The following TMCC2 variants were observed in gnomAD, a reference collection of about 807,000 sequenced individuals.
TMCC2 encodes transmembrane and coiled-coil domain family 2, also known as transmembrane and coiled-coil domains protein 2.
In TMCC2, 16 loss-of-function variants were observed where a neutral mutation model predicts 49.4. The ratio of observed to expected loss-of-function variants is 0.32; its 90% CI spans 0.22 to 0.49. TMCC2 has a LOEUF of 0.49. TMCC2 is among the 20% of genes least tolerant of loss of function. The pLI is 0.99. For synonymous variants in TMCC2, 397 were observed against 434.1 expected (o/e 0.91, Z 1.06); for missense variants, 762 against 989.8 (o/e 0.77, Z 3.09).
rs756499348 is a variant in TMCC2 at position 205,241,544 on chromosome 1, G to A, written c.247G>A (p.Gly83Ser). The A allele has an allele frequency of 2.9e-5, 46 of 1,613,692 alleles. No homozygotes were observed. Among genetic ancestry groups the A allele is most frequent in the African/African-American group, 2.7e-4 (20 of 74,968 alleles). ...QLSEGSMFGHGLKHLFHSRRR... is the reference protein window; with the variant it reads ...QLSEGSMFGHSLKHLFHSRRR... ...GTCAGAGGGCTCCATGTTTGGCCAC[G>A]GTCTGAAGCACCTGTTCCACAGCCG... The change falls in exon 2 of 5, where the codon GGT becomes AGT. Residue 83 changes from glycine (G) to serine (S), a missense_variant. Physicochemically the swap from Gly to Ser is moderately conservative, Grantham distance 56. Around this residue, in one of 2 missense-constraint regions of TMCC2, gnomAD observed 322 missense variants for 353.1 expected, o/e 0.91. Coordinates refer to ENST00000358024, the MANE Select transcript of TMCC2 (RefSeq NM_014858.4). The surrounding 1 kb of genome is among the most constrained non-coding windows in gnomAD (Gnocchi z 7.3).
At position 205,241,462 on chromosome 1, in the gene TMCC2, A is replaced by G. The variant is rs1388650301; in HGVS notation, c.208-43A>G. ...CACCCTCCTACTGACTAGGCAATCAAGAGCTTTCCACTCACCAGGGTTCTT... is the reference window on the plus strand; with the variant it reads ...CACCCTCCTACTGACTAGGCAATCAGGAGCTTTCCACTCACCAGGGTTCTT... On this transcript the variant is annotated intron_variant, in intron 1 of 4. Transcript: ENST00000358024. This position sits in a 1 kb window ranked among gnomAD's most constrained non-coding sequence, Gnocchi z 7.3. The G allele has an allele frequency of 3.8e-6, 6 of 1,593,978 alleles. No individual in the cohort carries two copies. The highest frequency in any genetic ancestry group is 2.2e-5 in the East Asian group (1 of 44,746).
intron 2 of TMCC2, among the ~76,000 whole-genome samples, chr1:205,242,714 A>G (rs1660320655): frequency 6.6e-6 from 1 of 152,132 alleles, no homozygotes; most frequent in South Asian, 2.1e-4. Context: ...AGGGGGTACA[A>G]GTGGGTGAAT....
chr1:205,269,007 G>A lies in TMCC2; in HGVS notation c.805G>A (p.Gly269Ser), dbSNP rs201477018. ...SLPAGHGDTD[G>S]PISLDVPDGA... ...CCCCGCCGGCCATGGTGACACCGAC[G>A]GCCCCATCAGCCTGGACGTGCCCGA... Residue 269 changes from glycine (G) to serine (S), a missense_variant, in exon 3 of 5, where the codon GGC (glycine) becomes AGC (serine). Physicochemically the swap from Gly to Ser is moderately conservative, Grantham distance 56. Around this residue, in one of 2 missense-constraint regions of TMCC2, gnomAD observed 440 missense variants for 636.7 expected, o/e 0.69. Transcript: ENST00000358024. 1.2e-5 allele frequency: 19 copies of A among 1,613,104 alleles called. No individual in the cohort carries two copies. Among genetic ancestry groups the A allele is most frequent in the Non-Finnish European group, 5.1e-6 (6 of 1,179,976 alleles).
intron 2 of TMCC2, among the ~76,000 whole-genome samples, chr1:205,251,296 A>G (rs1660660999): frequency 6.6e-6 from 1 of 152,196 alleles, no homozygotes; most frequent in South Asian, 2.1e-4. Context: ...GTCCAGGGAC[A>G]GGCTCTTGGA....
intron 2 of TMCC2, among the ~76,000 whole-genome samples, chr1:205,248,166 G>A (rs1326933733): frequency 6.6e-6 from 1 of 152,188 alleles, no homozygotes; most frequent in African/African-American, 2.4e-5. Context: ...TAGCACTTTG[G>A]GAGGCTGATT....
chr1:205,268,873 C>A, intron 2 of TMCC2, 77 bp from the exon 3 acceptor site: 1 of 1,429,524 alleles, frequency 7.0e-7, no homozygotes, highest in Non-Finnish European at 9.6e-7. Flanking sequence ...ATAGAAAAAC[C>A]AAGTCCAGAG....
At chr1:205,237,617 G>A (rs1186873127) in intron 1 of TMCC2, among the ~76,000 whole-genome samples, 1 of 152,240 alleles carries the variant, frequency 6.6e-6, no homozygotes, top group Non-Finnish European at 1.5e-5. Flanking sequence ...CAATGACACT[G>A]TACCCCAAGG....
At chr1:205,256,749 G>A (rs1015273312) in intron 2 of TMCC2, among the ~76,000 whole-genome samples, 1 of 152,132 alleles carries the variant, frequency 6.6e-6, no homozygotes, top group African/African-American at 2.4e-5. Flanking sequence ...GTCTTTTTTG[G>A]CTTTGGAGAG....
At chr1:205,242,217 A>G (rs950170558) in intron 2 of TMCC2, among the ~76,000 whole-genome samples, 173 bp downstream of exon 2, 6 of 152,164 alleles carry the variant, frequency 3.9e-5, no homozygotes, top group Non-Finnish European at 5.9e-5. Context: ...GGCCAAAAAC[A>G]AGAGATGATT....
At chr1:205,268,137 C>T (rs1285070361) in intron 2 of TMCC2, 116 of 940,870 alleles carry the variant, frequency 1.2e-4, no homozygotes, top group South Asian at 3.4e-4. Flanking sequence ...CATGGGGTGG[C>T]GAGGGCAGGC....
chr1:205,269,309 C>T lies in TMCC2; in HGVS notation c.1107C>T (p.Pro369=). 4 of 1,613,488 alleles carry T rather than the reference C, an allele frequency of 2.5e-6. No homozygotes were observed. Among genetic ancestry groups the T allele is most frequent in the Non-Finnish European group, 3.4e-6 (4 of 1,179,972 alleles). The change falls in exon 3 of 5, where the codon CCC becomes CCT. Residue 369 remains proline, a synonymous_variant. Transcript: ENST00000358024. The part of the protein sequence containing the change: ...RRLKEIEQNG[P]SRQPKDVLRD... ...TGAAGGAGATTGAGCAGAACGGGCC[C>T]TCGCGGCAGCCCAAGGACGTGCTGC...
chr1:205,241,500 T>C lies in TMCC2; in HGVS notation c.208-5T>C. 1 of 1,613,116 alleles carries C rather than the reference T, an allele frequency of 6.2e-7. No individual in the cohort carries two copies. The highest frequency in any genetic ancestry group is 8.5e-7 in the Non-Finnish European group (1 of 1,179,770). ...CACCAGGGTTCTTCATCTCTCCCCC[T>C]TAAGAAAATCCAGCAGCTGTCAGAG... On this transcript the variant is annotated splice_region_variant and splice_polypyrimidine_tract_variant and intron_variant, in intron 1 of 4. Coordinates refer to ENST00000358024, the MANE Select transcript of TMCC2 (RefSeq NM_014858.4). The surrounding 1 kb of genome is among the most constrained non-coding windows in gnomAD (Gnocchi z 7.3).
At chr1:205,238,481 G>T (rs893838843) in intron 1 of TMCC2, among the ~76,000 whole-genome samples, 1 of 152,074 alleles carries the variant, frequency 6.6e-6, no homozygotes, top group Non-Finnish European at 1.5e-5. Context: ...TCGGTCTGCT[G>T]GGACAAAGGT....
rs112979653 is a variant in TMCC2, at chr1:205,228,680, C to G, written c.116C>G (p.Thr39Arg). 9.0e-5 allele frequency: 145 copies of G among 1,612,812 alleles called. No homozygotes were observed. The highest frequency in any genetic ancestry group is 1.2e-4 in the Non-Finnish European group (137 of 1,179,854). The part of the protein sequence containing the change: ...PGADLRPGET[T>R]GANSAGGPTS... ...GCGGACCTCCGGCCTGGGGAGACCA[C>G]GGGTGCTAACTCTGCTGGCGGGCCA... Residue 39 changes from threonine (T) to arginine (R), a missense_variant, in exon 1 of 5, where the codon ACG (threonine) becomes AGG (arginine). Thr to Arg is a moderately conservative substitution (Grantham distance 71). This residue lies in a region of TMCC2 where 322 missense variants were observed against 353.1 expected (regional missense o/e 0.91). Coordinates refer to ENST00000358024, the MANE Select transcript of TMCC2 (RefSeq NM_014858.4).
At chr1:205,238,774 G>A (rs1660154401) in intron 1 of TMCC2, among the ~76,000 whole-genome samples, 1 of 152,090 alleles carries the variant, frequency 6.6e-6, no homozygotes, top group Non-Finnish European at 1.5e-5. Flanking sequence ...TAGAAGTCGG[G>A]GGTTTCTCTG....
rs12088414 is a variant in TMCC2 at position 205,264,999 on chromosome 1, C to T, written c.748-3951C>T. On this transcript the variant is annotated intron_variant, in intron 2 of 4. Coordinates refer to ENST00000358024, the MANE Select transcript of TMCC2 (RefSeq NM_014858.4). The surrounding 1 kb of genome is among the most constrained non-coding windows in gnomAD (Gnocchi z 4.2). ...GAAGCCAGTGGAACTGAGTCCTCCACAGGGAAGAGAATAAAATGGGGATAT... is the reference window on the plus strand; with the variant it reads ...GAAGCCAGTGGAACTGAGTCCTCCATAGGGAAGAGAATAAAATGGGGATAT... Among the ~76,000 whole-genome samples, 2,077 of 152,304 alleles carry T rather than the reference C, an allele frequency of 0.014. 50 individuals carry two copies. The highest frequency in any genetic ancestry group is 0.047 in the African/African-American group (1,961 of 41,554).
intron 1 of TMCC2, chr1:205,230,263 T>A (rs958401966): frequency 3.8e-6 from 3 of 782,678 alleles, no homozygotes; most frequent in African/African-American, 1.9e-5. Flanking sequence ...TTGTGTGTGT[T>A]TTTTAAACTT....
chr1:205,256,705 T>C (rs1352767288), intron 2 of TMCC2, among the ~76,000 whole-genome samples: 1 of 152,214 alleles, frequency 6.6e-6, no homozygotes, highest in African/African-American at 2.4e-5. Flanking sequence ...CTGGCTGTGT[T>C]AGGATCTGCC....
rs1030202219 is a variant in TMCC2 at position 205,272,715 on chromosome 1, T to G, written c.*591T>G. On this transcript the variant is annotated 3_prime_UTR_variant, in exon 5 of 5. Transcript: ENST00000358024. The stretch of plus-strand genomic sequence containing the variant: ...ACCCCTCCTCCCTGTAGAGCTGATT[T>G]GAGGCCTCCTTCTGGGGCTGGGCTC... 6.5e-6 allele frequency: 1 copy of G among 154,288 alleles called. No homozygotes were observed. The highest frequency in any genetic ancestry group is 1.4e-5 in the Non-Finnish European group (1 of 69,350). The allele number at this position is 154,288 out of a possible 1,614,324, so 9.6% of individuals were successfully genotyped here.
Sources: gnomAD v4.1 joint callset for allele counts (sites outside exome capture counted in the v4.1 genomes callset) on GRCh38, gnomAD v4.1.1 for gene constraint, gnomAD v4.1.1 regional missense constraint, Gnocchi (gnomAD v3.1) non-coding constraint, MANE v1.5 for transcripts, NCBI Gene and HGNC (gene_info 2026-07-23, HGNC 2026-07-21) for gene names.